The following NAA25 variants were observed in gnomAD, a reference collection of about 807,000 sequenced individuals.
The protein encoded by NAA25 is N-alpha-acetyltransferase 25, NatB auxiliary subunit, also known as N-terminal acetyltransferase B complex subunit NAA25.
In NAA25, 30 loss-of-function variants were observed where a neutral mutation model predicts 132.5. The observed-to-expected ratio is 0.23, with a 90% CI of 0.17 to 0.31. The LOEUF (loss-of-function observed/expected upper bound fraction) is 0.31, where lower values mean the gene tolerates loss of function less well. NAA25 is among the 10% of genes least tolerant of loss of function. The pLI, the probability that NAA25 is intolerant of heterozygous loss-of-function variation, is 1.00. For missense variants in NAA25, 771 were observed against 1,150.4 expected (o/e 0.67, Z 4.77); for synonymous variants, 359 against 401.9 (o/e 0.89, Z 1.28).
At chr12:112,091,786 T>C (rs1386116720) in intron 2 of NAA25, among the ~76,000 whole-genome samples, 1 of 151,460 alleles carries the variant, frequency 6.6e-6, no homozygotes, top group African/African-American at 2.4e-5. Flanking sequence ...CATTTGAGCC[T>C]AGAAGGCCAA....
At chr12:112,107,460 GATT>G (rs2079379568) in intron 1 of NAA25, among the ~76,000 whole-genome samples, 1 of 151,496 alleles carries the variant, frequency 6.6e-6, no homozygotes, top group Non-Finnish European at 1.5e-5. Context: ...AATGGGTGAA[GATT>G]ATATTAGATA....
At chr12:112,098,318 T>G (rs2079245239) in intron 1 of NAA25, among the ~76,000 whole-genome samples, 1 of 152,086 alleles carries the variant, frequency 6.6e-6, no homozygotes, top group Non-Finnish European at 1.5e-5. Context: ...AAGAGATTGT[T>G]TCTTCACCTG....
chr12:112,091,350 C>T (rs1258306859), intron 2 of NAA25, among the ~76,000 whole-genome samples: 1 of 151,834 alleles, frequency 6.6e-6, no homozygotes, highest in Admixed American at 6.6e-5. Flanking sequence ...ACTTTGAGAC[C>T]AGCCTAGGCA....
intron 18 of NAA25, 91 bp downstream of exon 18, chr12:112,043,534 C>T (rs936298853): frequency 1.4e-6 from 2 of 1,429,532 alleles, no homozygotes; most frequent in South Asian, 2.6e-5. Context: ...CAAAACAATT[C>T]CTTACTACTC....
intron 9 of NAA25, among the ~76,000 whole-genome samples, chr12:112,074,054 C>T (rs892106087): frequency 2.6e-5 from 4 of 151,704 alleles, no homozygotes; most frequent in African/African-American, 9.7e-5. Flanking sequence ...ATAATTAAGC[C>T]GGGCGCAATG....
At chr12:112,068,673 C>T (rs753822718) in intron 11 of NAA25, among the ~76,000 whole-genome samples, 7 of 152,206 alleles carry the variant, frequency 4.6e-5, no homozygotes, top group Non-Finnish European at 7.3e-5. Context: ...AATCCACCAT[C>T]TGTTAGGGCT....
intron 1 of NAA25, among the ~76,000 whole-genome samples, chr12:112,096,363 A>C (rs908165900): frequency 6.6e-6 from 1 of 152,192 alleles, no homozygotes; most frequent in Admixed American, 6.5e-5. Context: ...AACTTAAAAT[A>C]ATCTATGACC....
chr12:112,043,504 G>A, intron 18 of NAA25, 121 bp downstream of exon 18: 1 of 1,152,360 alleles, frequency 8.7e-7, no homozygotes, highest in Non-Finnish European at 1.2e-6. Context: ...TCTTTCTCCT[G>A]CAGAAGCCAT....
chr12:112,098,119 CAAAA>C (rs60232542), intron 1 of NAA25, among the ~76,000 whole-genome samples: 2 of 54,164 alleles, frequency 3.7e-5, no homozygotes, highest in African/African-American at 6.0e-5. Flanking sequence ...GACTCCATCT[CAAAA>C]AAAAAAAAAA....
rs1225774549 is a variant in NAA25 at position 112,087,613 on chromosome 12, A to C, written c.402+70T>G. 3 of 1,058,946 alleles carry C rather than the reference A, an allele frequency of 2.8e-6. No individual in the cohort carries two copies. In the African/African-American group the frequency reaches 4.7e-5, roughly 17 times the overall value. 65.6% of individuals were successfully genotyped at this position (1,058,946 alleles called of 1,614,324 possible). On this transcript the variant is annotated intron_variant, in intron 4 of 23. Transcript: ENST00000261745. ...CACACACACATACCCAGTGCAGTTAAATCACAAGAAAGAGACTTTTGCCTC... is the reference window on the plus strand; with the variant it reads ...CACACACACATACCCAGTGCAGTTACATCACAAGAAAGAGACTTTTGCCTC...
intron 13 of NAA25, among the ~76,000 whole-genome samples, chr12:112,059,535 TACC>T (rs2078595043): frequency 6.6e-6 from 1 of 152,198 alleles, no homozygotes; most frequent in Non-Finnish European, 1.5e-5. Flanking sequence ...ATGCTTCCTT[TACC>T]ATGTCTTATA....
At chr12:112,086,428 CAGG>C (rs1477953283) in intron 4 of NAA25, among the ~76,000 whole-genome samples, 19 of 150,970 alleles carry the variant, frequency 1.3e-4, no homozygotes, top group Admixed American at 2.0e-4. Context: ...CCTGGGAGGC[CAGG>C]TTGCAGTGAG....
Position 112,029,669 on chromosome 12 carries a change from C to T in NAA25, c.2797-16G>A. ...TTCTCTCTTCCTATAAAGGAGGAGACAAGAATAATTAGTCTTGTTTAAAAA... is the reference window on the plus strand; with the variant it reads ...TTCTCTCTTCCTATAAAGGAGGAGATAAGAATAATTAGTCTTGTTTAAAAA... On this transcript the variant is annotated splice_polypyrimidine_tract_variant and intron_variant, in intron 23 of 23. Coordinates refer to ENST00000261745, the MANE Select transcript of NAA25 (RefSeq NM_024953.4). 1.2e-6 allele frequency: 2 copies of T among 1,608,600 alleles called. No individual in the cohort carries two copies. The highest frequency in any genetic ancestry group is 1.7e-6 in the Non-Finnish European group (2 of 1,178,570).
chr12:112,048,493 A>G (rs1466483192), intron 15 of NAA25, 50 bp from the exon 16 acceptor site: 3 of 1,538,888 alleles, frequency 1.9e-6, no homozygotes, highest in Admixed American at 1.8e-5. Context: ...AAGTCAGGCA[A>G]TGTAAGCAAA....
chr12:112,094,380 T>G (rs2079183569), intron 1 of NAA25, among the ~76,000 whole-genome samples: 3 of 152,154 alleles, frequency 2.0e-5, no homozygotes, highest in South Asian at 4.1e-4. Context: ...ATTAATATTT[T>G]TATCCATGGA....
intron 11 of NAA25, among the ~76,000 whole-genome samples, chr12:112,066,999 T>C (rs2078727212): frequency 6.6e-6 from 1 of 152,116 alleles, no homozygotes; most frequent in Non-Finnish European, 1.5e-5. Context: ...AGACTTCCAA[T>C]CTTCCCAGCC....
chr12:112,045,525 T>C (rs1036187661), intron 17 of NAA25, among the ~76,000 whole-genome samples: 6 of 149,124 alleles, frequency 4.0e-5, no homozygotes, highest in Admixed American at 6.7e-5. Flanking sequence ...CTGGTTGCGA[T>C]AGCTCACACC....
intron 15 of NAA25, 127 bp downstream of exon 15, chr12:112,053,431 T>C: frequency 2.9e-6 from 2 of 693,488 alleles, no homozygotes; most frequent in Admixed American, 2.2e-5. Context: ...TAAGCTTTGG[T>C]CTAAGGGCAC....
chr12:112,093,154 A>C lies in NAA25; in HGVS notation c.59-18T>G. The C allele has an allele frequency of 7.1e-7, 1 of 1,406,030 alleles. No homozygotes were observed. The highest frequency in any genetic ancestry group is 2.3e-5 in the East Asian group (1 of 43,920). The allele number at this position is 1,406,030 out of a possible 1,614,324, so 87.1% of individuals were successfully genotyped here. On this transcript the variant is annotated intron_variant, in intron 1 of 23. Coordinates refer to ENST00000261745, the MANE Select transcript of NAA25 (RefSeq NM_024953.4). ...AAGATAATCTATGAAAAAACAAATT[A>C]TGTGACAGTTATTATATTCCTTCAA...
Sources: gnomAD v4.1 joint callset for allele counts (sites outside exome capture counted in the v4.1 genomes callset) on GRCh38, gnomAD v4.1.1 for gene constraint, MANE v1.5 for transcripts, NCBI Gene and HGNC (gene_info 2026-07-23, HGNC 2026-07-21) for gene names.